DMC1: variants seen among roughly 807,000 people sequenced by gnomAD.
DMC1 encodes DNA meiotic recombinase 1, also known as meiotic recombination protein DMC1 homolog.
In DMC1, 27 loss-of-function variants were observed where a neutral mutation model predicts 50.1. That is an observed-to-expected ratio of 0.54 (90% CI 0.40 to 0.74). The LOEUF (loss-of-function observed/expected upper bound fraction) is 0.74. DMC1 is among the 30% of genes least tolerant of loss of function. The pLI, the probability that DMC1 is intolerant of heterozygous loss-of-function variation, is 0.00. For missense variants in DMC1, 295 were observed against 420.2 expected (o/e 0.70, Z 2.60); for synonymous variants, 148 against 136.1 (o/e 1.09, Z -0.61).
intron 4 of DMC1, 103 bp downstream of exon 4, chr22:38,566,487 C>T (rs2090582346): frequency 3.1e-6 from 4 of 1,281,586 alleles, no homozygotes; most frequent in Admixed American, 3.7e-5. Context: ...CTGTGATCTA[C>T]AGGAACTCAG....
At chr22:38,558,809 C>T (rs1000021132) in intron 5 of DMC1, among the ~76,000 whole-genome samples, 7 of 152,098 alleles carry the variant, frequency 4.6e-5, no homozygotes, top group Admixed American at 4.6e-4. Flanking sequence ...CTCACAATAA[C>T]AGTAATTATT....
intron 2 of DMC1, 120 bp downstream of exon 2, chr22:38,568,086 C>T: frequency 2.3e-6 from 2 of 867,708 alleles, no homozygotes. Context: ...TACATATTTG[C>T]AATATATAAC....
chr22:38,560,761 T>A (rs959405857), intron 5 of DMC1, among the ~76,000 whole-genome samples: 1 of 151,862 alleles, frequency 6.6e-6, no homozygotes, highest in Non-Finnish European at 1.5e-5. Context: ...AGAAAAAAAA[T>A]AATGAACCAT....
Position 38,520,919 on chromosome 22 carries a change from C to T in DMC1, c.953+689G>A, listed in dbSNP as rs1011410406. On this transcript the variant is annotated intron_variant, in intron 13 of 13. Coordinates refer to ENST00000216024, the MANE Select transcript of DMC1 (RefSeq NM_007068.4). Reference sequence around the variant, plus strand: ...TGAGACGGAGTCTCACTCTGTCGCCCGGGCTGGAGTGCAGTGGCGCGATCT... The same window carrying T: ...TGAGACGGAGTCTCACTCTGTCGCCTGGGCTGGAGTGCAGTGGCGCGATCT... Among the ~76,000 whole-genome samples, 17 of 150,924 alleles carry T rather than the reference C, an allele frequency of 1.1e-4. No individual in the cohort carries two copies. The South Asian group carries it at 2.1e-3, about 19-fold the overall frequency.
At chr22:38,534,869 G>A (rs2145844435) in intron 12 of DMC1, among the ~76,000 whole-genome samples, 1 of 151,370 alleles carries the variant, frequency 6.6e-6, no homozygotes, top group South Asian at 2.1e-4. Flanking sequence ...GCCAGGGGTG[G>A]TTGGCAGGTG....
At chr22:38,560,669 A>G (rs891301957) in intron 5 of DMC1, among the ~76,000 whole-genome samples, 1 of 151,950 alleles carries the variant, frequency 6.6e-6, no homozygotes, top group African/African-American at 2.4e-5. Flanking sequence ...CTCTCTATGT[A>G]CACACACACA....
chr22:38,562,709 CA>C (rs2090540294), intron 4 of DMC1, among the ~76,000 whole-genome samples: 2 of 151,860 alleles, frequency 1.3e-5, no homozygotes, highest in African/African-American at 4.8e-5. Context: ...TACACACACA[CA>C]CATATGTATA....
intron 8 of DMC1, among the ~76,000 whole-genome samples, chr22:38,542,428 A>C (rs2090292939): frequency 6.6e-6 from 1 of 152,188 alleles, no homozygotes; most frequent in African/African-American, 2.4e-5. Flanking sequence ...CTGAAAAAGA[A>C]ATTCAAAAAT....
the DMC1 span, among the ~76,000 whole-genome samples, chr22:38,510,883 T>G: frequency 6.6e-6 from 1 of 152,234 alleles, no homozygotes; most frequent in African/African-American, 2.4e-5. Context: ...GCTTCCTCAT[T>G]GTTTAATCTA....
At chr22:38,517,818 A>C (rs906331322), downstream of DMC1, among the ~76,000 whole-genome samples, 5 of 152,330 alleles carry the variant, frequency 3.3e-5, 1 homozygote, top group African/African-American at 1.2e-4. Context: ...GGTTTTCAAA[A>C]GGTAAAAGGA....
intron 5 of DMC1, among the ~76,000 whole-genome samples, chr22:38,556,525 T>A (rs1005759449): frequency 2.0e-5 from 3 of 152,232 alleles, no homozygotes; most frequent in Non-Finnish European, 4.4e-5. Context: ...ATGTCAAAGA[T>A]GTTGTAGGTA....
intron 12 of DMC1, among the ~76,000 whole-genome samples, chr22:38,533,636 A>G (rs2090179923): frequency 6.6e-6 from 1 of 152,188 alleles, no homozygotes; most frequent in African/African-American, 2.4e-5. Context: ...AGCACTTTGT[A>G]TTGCAACCAT....
chr22:38,534,393 A>G (rs1420163888), intron 12 of DMC1, among the ~76,000 whole-genome samples: 1 of 152,174 alleles, frequency 6.6e-6, no homozygotes, highest in Non-Finnish European at 1.5e-5. Flanking sequence ...GAAACTTCTC[A>G]AATGGTTCAC....
chr22:38,552,368 T>C (rs963985884), intron 7 of DMC1, among the ~76,000 whole-genome samples: 1 of 152,162 alleles, frequency 6.6e-6, no homozygotes, highest in East Asian at 1.9e-4. Context: ...AAAAAAGATA[T>C]AGAAAAGATG....
intron 8 of DMC1, among the ~76,000 whole-genome samples, chr22:38,542,916 T>C (rs1355127312): frequency 6.6e-6 from 1 of 152,216 alleles, no homozygotes. Context: ...TACAGTGAAC[T>C]CATTTTCGAC....
chr22:38,565,600 A>G (rs1315484834), intron 4 of DMC1, among the ~76,000 whole-genome samples: 1 of 152,224 alleles, frequency 6.6e-6, no homozygotes, highest in Non-Finnish European at 1.5e-5. Flanking sequence ...AAGGAGCAGT[A>G]CCTCTGCTGC....
the DMC1 span, among the ~76,000 whole-genome samples, chr22:38,513,765 C>G: frequency 1.3e-5 from 2 of 152,116 alleles, no homozygotes; most frequent in African/African-American, 4.8e-5. Context: ...GGGGTTTCGC[C>G]ATGTTGGCCA....
chr22:38,534,225 T>C (rs886922748), intron 12 of DMC1, among the ~76,000 whole-genome samples: 2 of 152,234 alleles, frequency 1.3e-5, no homozygotes, highest in African/African-American at 4.8e-5. Context: ...AATACAACTG[T>C]ATATTAGATA....
Position 38,539,106 on chromosome 22 carries a change from T to C in DMC1, c.586+215A>G, listed in dbSNP as rs561638984. Among the ~76,000 whole-genome samples, 28 of 152,174 alleles carry C rather than the reference T, an allele frequency of 1.8e-4. No individual in the cohort carries two copies. The South Asian group carries it at 5.6e-3, about 30-fold the overall frequency. The stretch of plus-strand genomic sequence containing the variant: ...CAAATGCTACATTATCCAAAAAGAA[T>C]GTTACTCTTAATTTCAAAGACAAAG... On this transcript the variant is annotated intron_variant, in intron 9 of 13. Transcript: ENST00000216024.
Sources: gnomAD v4.1 joint callset for allele counts (sites outside exome capture counted in the v4.1 genomes callset) on GRCh38, gnomAD v4.1.1 for gene constraint, MANE v1.5 for transcripts, NCBI Gene and HGNC (gene_info 2026-07-23, HGNC 2026-07-21) for gene names.